Variants in CAPN9 observed in about 807,000 individuals in gnomAD.
CAPN9 encodes the protein calpain 9, also known as calpain-9.
In CAPN9, 81 loss-of-function variants were observed where a neutral mutation model predicts 92.8. The ratio of observed to expected loss-of-function variants is 0.87; its 90% confidence interval spans 0.73 to 1.05. CAPN9 has a LOEUF of 1.05. Ranked by LOEUF, CAPN9 falls within the 50% of genes least tolerant of loss-of-function variation. CAPN9 has a pLI of 0.00. For synonymous variants in CAPN9, 304 were observed against 328.0 expected, an observed-to-expected ratio of 0.93 and a Z score of 0.79; for missense variants, 848 against 866.2, an observed-to-expected ratio of 0.98 and a Z score of 0.26.
chr1:230,787,922 C>T (rs970890207), intron 13 of CAPN9, among the ~76,000 whole-genome samples: 15 of 152,172 alleles, frequency 9.9e-5, no homozygotes, highest in Admixed American at 5.9e-4. Flanking sequence ...GTGGTATAAG[C>T]CTAGCTCACT....
intron 19 of CAPN9, among the ~76,000 whole-genome samples, chr1:230,799,976 A>G (rs1317461174): frequency 6.6e-6 from 1 of 151,996 alleles, no homozygotes; most frequent in Non-Finnish European, 1.5e-5. Flanking sequence ...CAGGAGATCG[A>G]GACCATCCTG....
chr1:230,773,241 G>A (rs1475372852), intron 7 of CAPN9, among the ~76,000 whole-genome samples: 2 of 152,154 alleles, frequency 1.3e-5, no homozygotes, highest in African/African-American at 4.8e-5. Context: ...CCTCTGCTCT[G>A]GCCTTGGCTG....
In CAPN9 at chr1:230,790,179, G is replaced by A. The variant is rs746829218; in HGVS notation, c.1647G>A (p.Val549=). The A allele has an allele frequency of 7.7e-5, 124 of 1,614,028 alleles. No individual in the cohort carries two copies. The highest frequency in any genetic ancestry group is 9.9e-5 in the Non-Finnish European group (117 of 1,180,018). Residue 549 remains valine (V), a synonymous_variant, in exon 14 of 20, where the codon GTG becomes GTA. Transcript: ENST00000271971. The stretch of plus-strand genomic sequence containing the variant: ...AACTTGAGTATGTTTTAAATGCTGT[G>A]CTGCAAAAGAGTAAGTGCCAACCCC... ...AEELEYVLNA[V]LQKKKDIKFK... is the part of the protein sequence containing the mutation.
At chr1:230,762,252 AAC>A (rs1378793063) in intron 3 of CAPN9, among the ~76,000 whole-genome samples, 1 of 152,220 alleles carries the variant, frequency 6.6e-6, no homozygotes, top group Admixed American at 6.5e-5. Flanking sequence ...GGGAGAGAAT[AAC>A]AGAGAACTGG....
In CAPN9 at chr1:230,790,198, C is replaced by T; in HGVS notation, c.1657+9C>T. 6.2e-7 allele frequency: 1 copy of T among 1,614,002 alleles called. No individual in the cohort carries two copies. The highest frequency in any genetic ancestry group is 8.5e-7 in the Non-Finnish European group (1 of 1,179,922). On this transcript the variant is annotated intron_variant, in intron 14 of 19. Coordinates refer to ENST00000271971, the MANE Select transcript of CAPN9 (RefSeq NM_006615.3). ...TGCTGTGCTGCAAAAGAGTAAGTGC[C>T]AACCCCATCGGGGTCCTGGGGCACC...
At chr1:230,801,473 C>G in intron 19 of CAPN9, 97 bp from the exon 20 acceptor site, 3 of 1,103,056 alleles carry the variant, frequency 2.7e-6, no homozygotes, top group Non-Finnish European at 4.2e-6. Flanking sequence ...AATAGCAGAT[C>G]TCCTGTGATA....
chr1:230,792,218 C>G (rs1668036671), intron 15 of CAPN9, among the ~76,000 whole-genome samples: 1 of 152,196 alleles, frequency 6.6e-6, no homozygotes, highest in Admixed American at 6.5e-5. Flanking sequence ...TTTTTGTGAA[C>G]TTTCCGGGAC....
Position 230,801,660 on chromosome 1 carries a change from A to C in CAPN9, c.*64A>C, listed in dbSNP as rs1463227368. On this transcript the variant is annotated 3_prime_UTR_variant, in exon 20 of 20. Coordinates refer to ENST00000271971, the MANE Select transcript of CAPN9 (RefSeq NM_006615.3). ...TGGCTTCTGGACCTTGACCTTCAGA[A>C]CTTCTCTTGGTGTGGAACCATTACG... 4 of 1,472,716 alleles carry C rather than the reference A, an allele frequency of 2.7e-6. No homozygotes were observed. The highest frequency in any genetic ancestry group is 3.8e-6 in the Non-Finnish European group (4 of 1,051,270). 91.2% of individuals were successfully genotyped at this position (1,472,716 alleles called of 1,614,324 possible).
At position 230,790,135 on chromosome 1, in the gene CAPN9, A is replaced by C; in HGVS notation, c.1603A>C (p.Met535Leu). The change falls in exon 14 of 20, where the codon ATG (methionine) becomes CTG (leucine). Residue 535 changes from methionine to leucine, a missense_variant. Physicochemically the swap from Met to Leu is conservative, Grantham distance 15. Coordinates refer to ENST00000271971, the MANE Select transcript of CAPN9 (RefSeq NM_006615.3). The part of the protein sequence containing the change: ...ALFEQVAGED[M>L]EVTAEELEYV... The stretch of plus-strand genomic sequence containing the variant: ...ACAATTGTCTCCACTTCAACAGGAC[A>C]TGGAGGTGACAGCAGAGGAACTTGA... The C allele has an allele frequency of 6.2e-7, 1 of 1,612,650 alleles. No individual in the cohort carries two copies. Among genetic ancestry groups the C allele is most frequent in the East Asian group, 2.2e-5 (1 of 44,870 alleles).
chr1:230,774,705 C>G, intron 8 of CAPN9, 74 bp downstream of exon 8: 2 of 895,264 alleles, frequency 2.2e-6, no homozygotes, highest in Non-Finnish European at 3.6e-6. Context: ...GAGCACTGTG[C>G]TTCTCTCTCG....
chr1:230,783,310 A>G (rs1017236500), intron 11 of CAPN9, among the ~76,000 whole-genome samples: 2 of 152,224 alleles, frequency 1.3e-5, no homozygotes, highest in Non-Finnish European at 2.9e-5. Context: ...CAGAATTCAC[A>G]AGTTCTTGGT....
At chr1:230,778,535 T>C (rs893682272) in intron 8 of CAPN9, among the ~76,000 whole-genome samples, 3 of 152,196 alleles carry the variant, frequency 2.0e-5, no homozygotes, top group African/African-American at 7.2e-5. Context: ...GCCTTCCTGG[T>C]GTTCTGTGAG....
At chr1:230,752,318 A>G (rs1229976740) in intron 1 of CAPN9, among the ~76,000 whole-genome samples, 1 of 152,112 alleles carries the variant, frequency 6.6e-6, no homozygotes, top group Non-Finnish European at 1.5e-5. Context: ...ACGTGTGCAC[A>G]CCAATTCCCA....
intron 1 of CAPN9, among the ~76,000 whole-genome samples, chr1:230,748,895 G>T (rs556827621): frequency 1.5e-4 from 23 of 152,284 alleles, no homozygotes; most frequent in African/African-American, 5.3e-4. Flanking sequence ...GGGTGTTTCC[G>T]AAGTGGTAAG....
intron 16 of CAPN9, 89 bp downstream of exon 16, chr1:230,792,583 T>C: frequency 2.9e-6 from 3 of 1,051,000 alleles, no homozygotes; most frequent in Non-Finnish European, 4.5e-6. Context: ...GGCTGCAGGC[T>C]ATAGGCTAGA....
intron 4 of CAPN9, among the ~76,000 whole-genome samples, chr1:230,763,562 C>T (rs923913707): frequency 2.6e-5 from 4 of 152,114 alleles, no homozygotes; most frequent in Non-Finnish European, 4.4e-5. Context: ...CCCACTAGCT[C>T]GTTAGTGAAA....
At chr1:230,752,730 T>C (rs1457102858) in intron 1 of CAPN9, 1 of 983,480 alleles carries the variant, frequency 1.0e-6, no homozygotes, top group East Asian at 1.1e-4. Flanking sequence ...GTGAGTAGCA[T>C]TGGCAGTGGG....
At chr1:230,792,970 G>C in intron 17 of CAPN9, 42 bp downstream of exon 17, 1 of 1,492,750 alleles carries the variant, frequency 6.7e-7, no homozygotes, top group Non-Finnish European at 9.3e-7. Context: ...CTGCATGCCA[G>C]GTACTGCCTG....
chr1:230,800,239 A>AAAG (rs1435593735), intron 19 of CAPN9, among the ~76,000 whole-genome samples: 6 of 66,138 alleles, frequency 9.1e-5, no homozygotes, highest in African/African-American at 3.2e-4. Context: ...AAGAAGAAAG[A>AAAG]AAGAAAGAAA....
Sources: allele counts gnomAD v4.1 joint callset (sites outside exome capture counted in the v4.1 genomes callset), GRCh38; gene constraint gnomAD v4.1.1; transcripts MANE v1.5; gene names NCBI Gene and HGNC (gene_info 2026-07-23, HGNC 2026-07-21).